The following PPP1R16B variants were observed in gnomAD, a reference collection of about 807,000 sequenced individuals.
PPP1R16B encodes the protein protein phosphatase 1 regulatory inhibitor subunit 16B.
A neutral mutation model predicts 61.7 loss-of-function variants in PPP1R16B; 14 were observed. That is an observed-to-expected ratio of 0.23 (90% CI 0.15 to 0.35). PPP1R16B has a LOEUF of 0.35. PPP1R16B is among the 10% of genes least tolerant of loss of function. The pLI is 1.00. For missense variants in PPP1R16B, 547 were observed against 752.5 expected (o/e 0.73, Z 3.19); for synonymous variants, 266 against 305.3 (o/e 0.87, Z 1.34).
intron 4 of PPP1R16B, 97 bp downstream of exon 4, chr20:38,895,807 C>T (rs13037725): frequency 0.079 from 62,328 of 793,824 alleles, 4,146 homozygotes; most frequent in South Asian, 0.14. Flanking sequence ...CCTTCTTTCT[C>T]TCCTCCCTTC....
intron 2 of PPP1R16B, among the ~76,000 whole-genome samples, chr20:38,867,916 G>A (rs949309837): frequency 3.0e-4 from 45 of 152,264 alleles, no homozygotes; most frequent in Non-Finnish European, 5.9e-4. Flanking sequence ...CAGGTGATCC[G>A]CCCATCTTGG....
At chr20:38,876,469 A>G (rs1427028891) in intron 2 of PPP1R16B, among the ~76,000 whole-genome samples, 1 of 152,080 alleles carries the variant, frequency 6.6e-6, no homozygotes, top group Non-Finnish European at 1.5e-5. Context: ...GTTTTTGGAC[A>G]CTGATATGCC....
intron 2 of PPP1R16B, among the ~76,000 whole-genome samples, chr20:38,847,344 T>G (rs2084941796): frequency 6.6e-6 from 1 of 152,176 alleles, no homozygotes; most frequent in South Asian, 2.1e-4. Context: ...TTCTTTGAGT[T>G]GTCTAGTTTG....
intron 2 of PPP1R16B, among the ~76,000 whole-genome samples, chr20:38,843,303 C>T (rs963472943): frequency 6.6e-6 from 1 of 152,230 alleles, no homozygotes; most frequent in Admixed American, 6.5e-5. Flanking sequence ...ACATATACTG[C>T]CTCACACAAT....
chr20:38,823,686 C>G (rs535210411), intron 1 of PPP1R16B, among the ~76,000 whole-genome samples: 11 of 151,858 alleles, frequency 7.2e-5, no homozygotes, highest in African/African-American at 2.7e-4. Flanking sequence ...AAAATGCTCA[C>G]TGAAAAAAGG....
intron 10 of PPP1R16B, 144 bp downstream of exon 10, chr20:38,908,337 A>G: frequency 9.5e-7 from 1 of 1,056,964 alleles, no homozygotes; most frequent in South Asian, 1.6e-5. Context: ...CAGTCTGATG[A>G]TGATGGCTAC....
At chr20:38,860,798 G>A (rs898030304) in intron 2 of PPP1R16B, among the ~76,000 whole-genome samples, 4 of 152,218 alleles carry the variant, frequency 2.6e-5, no homozygotes, top group African/African-American at 9.6e-5. Flanking sequence ...CTGTATCTAG[G>A]TTTTGAGTAA....
At chr20:38,807,997 A>G (rs1259808802) in intron 1 of PPP1R16B, among the ~76,000 whole-genome samples, 1 of 152,208 alleles carries the variant, frequency 6.6e-6, no homozygotes, top group African/African-American at 2.4e-5. Context: ...AGTGGAGGTT[A>G]AATTCTAATC....
intron 10 of PPP1R16B, among the ~76,000 whole-genome samples, chr20:38,908,903 C>A (rs932398573): frequency 1.3e-5 from 2 of 152,202 alleles, no homozygotes; most frequent in African/African-American, 4.8e-5. Context: ...GTGGCTCAGG[C>A]GTTCTTTGGC....
chr20:38,884,401 T>G (rs1165255037), intron 2 of PPP1R16B, among the ~76,000 whole-genome samples: 1 of 152,224 alleles, frequency 6.6e-6, no homozygotes, highest in Non-Finnish European at 1.5e-5. Context: ...TGCAAACCTT[T>G]TCTGCAAAGG....
chr20:38,880,929 G>A (rs1383399718), intron 2 of PPP1R16B, among the ~76,000 whole-genome samples: 1 of 152,188 alleles, frequency 6.6e-6, no homozygotes. Context: ...GTTCCCACCA[G>A]CAGGGCCCGA....
chr20:38,852,020 A>C (rs1225422964), intron 2 of PPP1R16B, among the ~76,000 whole-genome samples: 1 of 152,190 alleles, frequency 6.6e-6, no homozygotes, highest in East Asian at 1.9e-4. Flanking sequence ...GTGACAGAGC[A>C]AGGCCCTGTA....
chr20:38,868,344 G>C (rs547297907), intron 2 of PPP1R16B, among the ~76,000 whole-genome samples: 1 of 152,018 alleles, frequency 6.6e-6, no homozygotes, highest in East Asian at 1.9e-4. Flanking sequence ...AAAAAATACA[G>C]AGAGATCCCT....
Position 38,907,138 on chromosome 20 carries a change from G to T in PPP1R16B, c.898+84G>T. 1 of 1,110,590 alleles carries T rather than the reference G, an allele frequency of 9.0e-7. No homozygotes were observed. Among genetic ancestry groups the T allele is most frequent in the Non-Finnish European group, 1.4e-6 (1 of 730,012 alleles). 68.8% of individuals were successfully genotyped at this position (1,110,590 alleles called of 1,614,324 possible). Reference sequence around the variant, plus strand: ...TAGAGGGAGAAATAGATAAATATATGGTTGTATAGATTGATGGATTGGTGT... The same window carrying T: ...TAGAGGGAGAAATAGATAAATATATTGTTGTATAGATTGATGGATTGGTGT... On this transcript the variant is annotated intron_variant, in intron 8 of 10. Coordinates refer to ENST00000299824, the MANE Select transcript of PPP1R16B (RefSeq NM_015568.4). This position sits in a 1 kb window ranked among gnomAD's most constrained non-coding sequence, Gnocchi z 4.5.
At chr20:38,865,244 T>G (rs2085081927) in intron 2 of PPP1R16B, among the ~76,000 whole-genome samples, 1 of 151,458 alleles carries the variant, frequency 6.6e-6, no homozygotes. Context: ...ACCTCTGACT[T>G]GCACAGGGCA....
rs543675061 is a variant in PPP1R16B, at chr20:38,859,863, A to G, written c.250+23688A>G. ...ATAAACAGTTGAAATTAATTTTAAT[A>G]ATATATTTTATTTAATCCAATATAT... On this transcript the variant is annotated intron_variant, in intron 2 of 10. Transcript: ENST00000299824. Among the ~76,000 whole-genome samples, 19 of 152,338 alleles carry G rather than the reference A, an allele frequency of 1.2e-4. No individual in the cohort carries two copies. In the South Asian group the frequency reaches 3.7e-3, roughly 30 times the overall value.
At chr20:38,903,838 T>C (rs1473912879) in intron 6 of PPP1R16B, among the ~76,000 whole-genome samples, 3 of 152,186 alleles carry the variant, frequency 2.0e-5, no homozygotes, top group Admixed American at 6.5e-5. Flanking sequence ...CAGCCTAATA[T>C]TGGGGAGGTC....
rs1238530569 is a variant in PPP1R16B, at chr20:38,882,466, G to A, written c.251-7129G>A. 2.6e-5 allele frequency among the ~76,000 whole-genome samples: 4 copies of A among 152,062 alleles called. No individual in the cohort carries two copies. In the South Asian group the frequency reaches 6.2e-4, roughly 24 times the overall value. Reference sequence around the variant, plus strand: ...TACAATCACAGCTCACTGCAGCCTCGAACTCCTGGCCTTAAGTGATCCTAC... The same window carrying A: ...TACAATCACAGCTCACTGCAGCCTCAAACTCCTGGCCTTAAGTGATCCTAC... On this transcript the variant is annotated intron_variant, in intron 2 of 10. Coordinates refer to ENST00000299824, the MANE Select transcript of PPP1R16B (RefSeq NM_015568.4).
chr20:38,893,452 GA>G (rs1479542834), intron 3 of PPP1R16B, among the ~76,000 whole-genome samples: 2 of 152,168 alleles, frequency 1.3e-5, no homozygotes, highest in Non-Finnish European at 2.9e-5. Context: ...AGGGTGTTAG[GA>G]AGGGGAATGA....
Sources: allele counts gnomAD v4.1 joint callset (sites outside exome capture counted in the v4.1 genomes callset), GRCh38; gene constraint gnomAD v4.1.1; non-coding constraint Gnocchi (gnomAD v3.1); transcripts MANE v1.5; gene names NCBI Gene and HGNC (gene_info 2026-07-23, HGNC 2026-07-21).